The following SORCS2 variants were observed in gnomAD, a reference collection of about 807,000 sequenced individuals.
The protein encoded by SORCS2 is VPS10 domain-containing receptor SorCS2.
Under a neutral mutation model 141.6 loss-of-function variants are expected in SORCS2, and 100 were observed. The observed-to-expected ratio is 0.71, with a 90% CI of 0.60 to 0.83. SORCS2 has a LOEUF of 0.83. SORCS2 is among the 40% of genes least tolerant of loss of function. The probability of loss-of-function intolerance (pLI) is 0.00; values close to 1 mark genes in which losing one functional copy is unlikely to be tolerated. For missense variants in SORCS2, 1,646 were observed against 1,560.2 expected (o/e 1.05, Z -0.93); for synonymous variants, 789 against 676.9 (o/e 1.17, Z -2.57).
At chr4:7,491,553 T>G (rs1198096302) in intron 2 of SORCS2, among the ~76,000 whole-genome samples, 1 of 152,244 alleles carries the variant, frequency 6.6e-6, no homozygotes. Context: ...AGGGAACACC[T>G]TGGCTAGGAC....
rs570169617 is a variant in SORCS2 at position 7,416,688 on chromosome 4, G to A, written c.548+20333G>A. 1.7e-4 allele frequency among the ~76,000 whole-genome samples: 26 copies of A among 149,126 alleles called. No individual in the cohort carries two copies. In the South Asian group the frequency reaches 1.9e-3, roughly 11 times the overall value. The stretch of plus-strand genomic sequence containing the variant: ...CACACTTGTGTGCACACTCAGACAC[G>A]CATGCATGCACTCACTCACACTTGT... On this transcript the variant is annotated intron_variant, in intron 2 of 26. Coordinates refer to ENST00000507866, the MANE Select transcript of SORCS2 (RefSeq NM_020777.3).
chr4:7,678,641 C>T (rs1469587036), intron 9 of SORCS2, among the ~76,000 whole-genome samples: 1 of 142,006 alleles, frequency 7.0e-6, no homozygotes, highest in African/African-American at 2.6e-5. Flanking sequence ...ACACACAGGC[C>T]TCAAGGTGAG....
At chr4:7,371,823 C>T (rs370461371) in intron 1 of SORCS2, among the ~76,000 whole-genome samples, 2 of 152,212 alleles carry the variant, frequency 1.3e-5, no homozygotes, top group African/African-American at 2.4e-5. Context: ...CTGACGGAGG[C>T]GCTGTGTTGG....
At chr4:7,524,701 G>C (rs936722908) in intron 2 of SORCS2, among the ~76,000 whole-genome samples, 1 of 151,906 alleles carries the variant, frequency 6.6e-6, no homozygotes, top group Non-Finnish European at 1.5e-5. Flanking sequence ...GTGCGGCAGT[G>C]CCTCCTTAAC....
At chr4:7,539,234 G>C (rs1712373684) in intron 3 of SORCS2, among the ~76,000 whole-genome samples, 1 of 152,194 alleles carries the variant, frequency 6.6e-6, no homozygotes, top group Non-Finnish European at 1.5e-5. Context: ...GGAAACCTGA[G>C]GGATGGGGCA....
intron 3 of SORCS2, among the ~76,000 whole-genome samples, chr4:7,563,610 C>T (rs574694202): frequency 1.2e-4 from 18 of 152,288 alleles, no homozygotes; most frequent in African/African-American, 3.6e-4. Context: ...TCTGGGAGCA[C>T]GTTCCTTGAC....
chr4:7,452,823 CGTGTTGGGGTCAGGTGCT>C (rs1360322282), intron 2 of SORCS2, among the ~76,000 whole-genome samples: 36 of 150,356 alleles, frequency 2.4e-4, no homozygotes, highest in South Asian at 6.4e-4. Flanking sequence ...GGTCAGGCTC[CGTGTTGGGGTCAGGTGCT>C]GTGTTGGGGT....
At chr4:7,231,537 TCATCCATCCATC>T (rs1027539552) in intron 1 of SORCS2, among the ~76,000 whole-genome samples, 2 of 149,010 alleles carry the variant, frequency 1.3e-5, no homozygotes, top group South Asian at 4.2e-4. Flanking sequence ...ATCCATCCAT[TCATCCATCCATC>T]CATCCATCCA....
At chr4:7,670,403 A>G (rs1341248240) in intron 8 of SORCS2, among the ~76,000 whole-genome samples, 1 of 152,258 alleles carries the variant, frequency 6.6e-6, no homozygotes, top group Non-Finnish European at 1.5e-5. Flanking sequence ...CCAAATAACT[A>G]TCAATTATAT....
At chr4:7,386,130 C>T (rs536093378) in intron 1 of SORCS2, among the ~76,000 whole-genome samples, 207 of 151,606 alleles carry the variant, frequency 1.4e-3, no homozygotes, top group Non-Finnish European at 2.2e-3. Context: ...TATGTACACA[C>T]GCACACATGC....
At chr4:7,522,263 C>T (rs957476036) in intron 2 of SORCS2, among the ~76,000 whole-genome samples, 9 of 152,094 alleles carry the variant, frequency 5.9e-5, no homozygotes, top group Non-Finnish European at 1.2e-4. Flanking sequence ...GCACATACGT[C>T]CCCGCCAATG....
intron 2 of SORCS2, among the ~76,000 whole-genome samples, chr4:7,488,224 C>T (rs1731112132): frequency 1.3e-5 from 2 of 152,226 alleles, no homozygotes; most frequent in Admixed American, 1.3e-4. Context: ...TCAAGTCCTT[C>T]AGTTCTGCTG....
At chr4:7,653,985 C>A (rs1721595242) in intron 4 of SORCS2, 149 bp from the exon 5 acceptor site, 1 of 739,834 alleles carries the variant, frequency 1.4e-6, no homozygotes, top group Non-Finnish European at 2.2e-6. Context: ...TGGTCTGCAT[C>A]CCAGCATGAG....
rs544351871 is a variant in SORCS2, at chr4:7,449,596, G to C, written c.548+53241G>C. Among the ~76,000 whole-genome samples the C allele has an allele frequency of 3.0e-4, 45 of 151,754 alleles. 1 individual carries two copies. The highest frequency in any genetic ancestry group is 3.4e-3 in the Middle Eastern group (1 of 294). ...CAGGTTCAGGATGCACCTGGCCCTT[G>C]GTAGATGCTGGGGGCTGCCATGTGT... On this transcript the variant is annotated intron_variant, in intron 2 of 26. Coordinates refer to ENST00000507866, the MANE Select transcript of SORCS2 (RefSeq NM_020777.3).
At chr4:7,488,250 G>T (rs541090952) in intron 2 of SORCS2, among the ~76,000 whole-genome samples, 1 of 152,308 alleles carries the variant, frequency 6.6e-6, no homozygotes, top group South Asian at 2.1e-4. Flanking sequence ...TTTTGCAGTT[G>T]CCAAGGCATT....
intron 3 of SORCS2, among the ~76,000 whole-genome samples, chr4:7,543,695 C>T (rs796605715): frequency 1.1e-3 from 35 of 31,338 alleles, no homozygotes; most frequent in East Asian, 9.0e-3. Context: ...CACCCATCCA[C>T]CCATCCATCC....
At chr4:7,382,788 AGGGGCCAGAACT>A (rs1723067474) in intron 1 of SORCS2, among the ~76,000 whole-genome samples, 1 of 151,922 alleles carries the variant, frequency 6.6e-6, no homozygotes, top group Non-Finnish European at 1.5e-5. Flanking sequence ...GGAGAGAAGA[AGGGGCCAGAACT>A]GGGGACGGTG....
At position 7,286,222 on chromosome 4, in the gene SORCS2, C is replaced by T. The variant is rs945858279; in HGVS notation, c.480+93096C>T. ...GCACGACTCGGACCCTGAGTCTCCT[C>T]GCGTGGGAAGTGGGCACAGCCTCAT... is the stretch of plus-strand genomic sequence containing the variant. On this transcript the variant is annotated intron_variant, in intron 1 of 26. Coordinates refer to ENST00000507866, the MANE Select transcript of SORCS2 (RefSeq NM_020777.3). This position sits in a 1 kb window ranked among gnomAD's most constrained non-coding sequence, Gnocchi z 4.1. 4.6e-5 allele frequency among the ~76,000 whole-genome samples: 7 copies of T among 152,306 alleles called. No homozygotes were observed. Among genetic ancestry groups the T allele is most frequent in the African/African-American group, 7.2e-5 (3 of 41,574 alleles).
At chr4:7,658,463 C>T (rs1435576056) in intron 5 of SORCS2, among the ~76,000 whole-genome samples, 1 of 152,212 alleles carries the variant, frequency 6.6e-6, no homozygotes, top group East Asian at 1.9e-4. Flanking sequence ...CAATGCCTGT[C>T]TGTATTCAGG....
Sources: gnomAD v4.1 joint callset for allele counts (sites outside exome capture counted in the v4.1 genomes callset) on GRCh38, gnomAD v4.1.1 for gene constraint, Gnocchi (gnomAD v3.1) non-coding constraint, MANE v1.5 for transcripts, NCBI Gene and HGNC (gene_info 2026-07-23, HGNC 2026-07-21) for gene names.